The following LACTBL1 variants were observed in gnomAD, a reference collection of about 807,000 sequenced individuals.
LACTBL1 encodes lactamase beta like 1, also known as beta-lactamase-like protein 1.
Under a neutral mutation model 39.6 loss-of-function variants are expected in LACTBL1, and 29 were observed. That is an observed-to-expected ratio of 0.73 (90% CI 0.55 to 1.00). The LOEUF (loss-of-function observed/expected upper bound fraction) is 1.00. Ranked by LOEUF, LACTBL1 falls within the 50% of genes least tolerant of loss-of-function variation. The pLI is 0.00. For synonymous variants in LACTBL1, 361 were observed against 360.7 expected (o/e 1.00, Z -0.01); for missense variants, 711 against 748.5 (o/e 0.95, Z 0.59).
the LACTBL1 span, chr1:22,972,201 TG>T: frequency 5.2e-6 from 2 of 386,114 alleles, no homozygotes; most frequent in Non-Finnish European, 7.0e-6. Flanking sequence ...GAAGGTAACG[TG>T]GGGGGGATTT....
At chr1:22,967,606 A>G (rs774245856), upstream of LACTBL1, among the ~76,000 whole-genome samples, 34 of 152,148 alleles carry the variant, frequency 2.2e-4, no homozygotes, top group Middle Eastern at 3.4e-3. Flanking sequence ...ATACACACAC[A>G]TATACACATA....
Position 22,958,026 on chromosome 1 carries a change from G to A in LACTBL1, c.553+659C>T, listed in dbSNP as rs75312200. On this transcript the variant is annotated intron_variant, in intron 4 of 5. Coordinates refer to ENST00000426928, the Ensembl canonical transcript of LACTBL1. Reference sequence around the variant, plus strand: ...CCTTTACCCATTTTTCTGCTGGGCTGTTGGTCTTTGTAATAATTTGTAGGT... The same window carrying A: ...CCTTTACCCATTTTTCTGCTGGGCTATTGGTCTTTGTAATAATTTGTAGGT... Among the ~76,000 whole-genome samples the A allele has an allele frequency of 1.7e-3, 256 of 152,276 alleles. 2 individuals are homozygous for A. The highest frequency in any genetic ancestry group is 5.8e-3 in the African/African-American group (240 of 41,568).
intron 3 of LACTBL1, among the ~76,000 whole-genome samples, chr1:22,959,153 T>G (rs148075462): frequency 6.6e-6 from 1 of 152,344 alleles, no homozygotes; most frequent in African/African-American, 2.4e-5. Flanking sequence ...CCAGGCTCTT[T>G]TCCAGCCATT....
chr1:22,957,109 G>T lies in LACTBL1; in HGVS notation c.553+1576C>A, dbSNP rs1640769153. ...ATATATTATTTTAATTATTTATATG[G>T]TAGCATACAAAATATGCTGTTACAT... On this transcript the variant is annotated intron_variant, in intron 4 of 5. Transcript: ENST00000426928. 2.6e-5 allele frequency among the ~76,000 whole-genome samples: 4 copies of T among 151,734 alleles called. No homozygotes were observed. In the South Asian group the frequency reaches 8.3e-4, roughly 31 times the overall value.
chr1:22,967,522 G>A (rs1640893614), upstream of LACTBL1, among the ~76,000 whole-genome samples: 1 of 151,680 alleles, frequency 6.6e-6, no homozygotes, highest in Non-Finnish European at 1.5e-5. Context: ...ATGCCAGCCT[G>A]GATGACAGAG....
At chr1:22,953,422 G>A (rs1399435921) in exon 6 of LACTBL1, 5 of 1,227,466 alleles carry the variant, frequency 4.1e-6, no homozygotes, top group African/African-American at 3.1e-5. Flanking sequence ...GGGCGGCGGA[G>A]CCGGGCCGGG....
At chr1:22,970,380 CAT>C in the LACTBL1 span, among the ~76,000 whole-genome samples, 1 of 152,132 alleles carries the variant, frequency 6.6e-6, no homozygotes, top group Non-Finnish European at 1.5e-5. Context: ...GAATACAACT[CAT>C]AGAACATTCT....
At chr1:22,959,947 C>T in exon 3 of LACTBL1, 1 of 1,551,194 alleles carries the variant, frequency 6.4e-7, no homozygotes, top group Middle Eastern at 1.7e-4. Flanking sequence ...CTGACCTGTA[C>T]ATGGTGTACT....
intron 4 of LACTBL1, among the ~76,000 whole-genome samples, chr1:22,957,028 G>A (rs1467477451): frequency 6.6e-6 from 1 of 151,412 alleles, no homozygotes; most frequent in African/African-American, 2.4e-5. Context: ...CTACATACTT[G>A]TGTTATATAA....
chr1:22,970,644 C>CA, the LACTBL1 span, among the ~76,000 whole-genome samples: 18 of 151,526 alleles, frequency 1.2e-4, no homozygotes, highest in South Asian at 4.2e-4. Context: ...TCTGCCTGTA[C>CA]AAAAAAATAG....
At chr1:22,953,195 C>T (rs982949097) in exon 6 of LACTBL1, 14 of 1,232,024 alleles carry the variant, frequency 1.1e-5, no homozygotes, top group Admixed American at 4.2e-5. Context: ...AGCCACGCGT[C>T]GCCGAGTGGC....
At chr1:22,968,643 A>G (rs1640907938), upstream of LACTBL1, among the ~76,000 whole-genome samples, 1 of 151,792 alleles carries the variant, frequency 6.6e-6, no homozygotes, top group Non-Finnish European at 1.5e-5. Flanking sequence ...TTTTGTGGAG[A>G]GACAGAATAG....
chr1:22,959,203 G>T (rs1640791488), intron 3 of LACTBL1, among the ~76,000 whole-genome samples: 1 of 152,210 alleles, frequency 6.6e-6, no homozygotes, highest in Non-Finnish European at 1.5e-5. Flanking sequence ...TGGTGTCTCT[G>T]CCTCTCACTG....
exon 6 of LACTBL1, chr1:22,953,396 C>A: frequency 8.1e-7 from 1 of 1,228,004 alleles, no homozygotes; most frequent in Non-Finnish European, 1.0e-6. Context: ...AAGTAGCCGG[C>A]GAAGGGGTGC....
At chr1:22,955,484 C>T in intron 4 of LACTBL1, 58 bp from the exon 7 acceptor site, 1 of 1,112,088 alleles carries the variant, frequency 9.0e-7, no homozygotes. Flanking sequence ...ATGGTGGGCC[C>T]CTGGGTGCAC....
At chr1:22,956,859 T>A (rs1313970493) in intron 4 of LACTBL1, among the ~76,000 whole-genome samples, 1 of 152,104 alleles carries the variant, frequency 6.6e-6, no homozygotes, top group Non-Finnish European at 1.5e-5. Context: ...TTAATTTACA[T>A]GATTTAAGAT....
At chr1:22,962,046 C>A (rs1039683278) in intron 2 of LACTBL1, among the ~76,000 whole-genome samples, 2 of 152,112 alleles carry the variant, frequency 1.3e-5, no homozygotes, top group Non-Finnish European at 2.9e-5. Flanking sequence ...GCGCCTGGCT[C>A]TAACTTTGCC....
rs115155817 is a variant in LACTBL1, at chr1:22,957,450, C to T, written c.553+1235G>A. 6.7e-3 allele frequency among the ~76,000 whole-genome samples: 1,021 copies of T among 152,150 alleles called. 7 individuals are homozygous for T. The highest frequency in any genetic ancestry group is 0.024 in the African/African-American group (987 of 41,514). On this transcript the variant is annotated intron_variant, in intron 4 of 5. Coordinates refer to ENST00000426928, the Ensembl canonical transcript of LACTBL1. ...GTGATATTACCAATTGCCCTCCATA[C>T]GGCTGCACCAATTTAAATTCCCAGC...
chr1:22,968,180 T>C (rs755711241), upstream of LACTBL1, among the ~76,000 whole-genome samples: 5 of 152,230 alleles, frequency 3.3e-5, no homozygotes, highest in Admixed American at 6.5e-5. Flanking sequence ...TAACTACAAT[T>C]CTGGGTTATT....
Sources: gnomAD v4.1 joint callset for allele counts (sites outside exome capture counted in the v4.1 genomes callset) on GRCh38, gnomAD v4.1.1 for gene constraint, MANE v1.5 for transcripts, NCBI Gene and HGNC (gene_info 2026-07-23, HGNC 2026-07-21) for gene names.